EDAR: variants seen among roughly 807,000 people sequenced by gnomAD.
The protein encoded by EDAR is ectodysplasin A receptor, also known as tumor necrosis factor receptor superfamily member EDAR.
EDAR carries 38 observed loss-of-function variants against 51.3 expected under a neutral mutation model. The ratio of observed to expected loss-of-function variants is 0.74; its 90% confidence interval spans 0.57 to 0.97. The LOEUF is 0.97. Ranked by LOEUF, EDAR falls within the 50% of genes least tolerant of loss-of-function variation. The pLI, the probability that EDAR is intolerant of heterozygous loss-of-function variation, is 0.00. For synonymous variants in EDAR, 227 were observed against 242.1 expected (o/e 0.94, Z 0.58); for missense variants, 528 against 595.0 (o/e 0.89, Z 1.17).
chr2:108,905,384 C>T (rs752770979), intron 11 of EDAR, among the ~76,000 whole-genome samples: 2 of 152,300 alleles, frequency 1.3e-5, no homozygotes, highest in Middle Eastern at 3.4e-3. Flanking sequence ...CTGGGGCATG[C>T]GTTTATGGAG....
Position 108,910,772 on chromosome 2 carries a change from A to C in EDAR, c.730+4T>G. On this transcript the variant is annotated splice_donor_region_variant and intron_variant, in intron 8 of 11. Transcript: ENST00000258443. ...ATGGTGTGTGGAAGCCCTGGTTCACAGACCTGGGGCCTCTTTCTTCTCCTC... is the reference window on the plus strand; with the variant it reads ...ATGGTGTGTGGAAGCCCTGGTTCACCGACCTGGGGCCTCTTTCTTCTCCTC... The C allele has an allele frequency of 6.2e-7, 1 of 1,612,824 alleles. No homozygotes were observed.
At chr2:108,965,097 G>A (rs1015032289) in intron 1 of EDAR, among the ~76,000 whole-genome samples, 2 of 151,822 alleles carry the variant, frequency 1.3e-5, no homozygotes, top group African/African-American at 4.9e-5. Flanking sequence ...GTGTGTGCAC[G>A]CAAGCATGTG....
intron 11 of EDAR, among the ~76,000 whole-genome samples, chr2:108,905,702 A>C (rs967169203): frequency 1.3e-5 from 2 of 152,212 alleles, no homozygotes; most frequent in African/African-American, 4.8e-5. Context: ...GGTTAATAAG[A>C]AGGTAATTTA....
chr2:108,908,019 G>T lies in EDAR; in HGVS notation c.804C>A (p.Ser268Arg), dbSNP rs143674939. 6.2e-7 allele frequency: 1 copy of T among 1,607,098 alleles called. No individual in the cohort carries two copies. Among genetic ancestry groups the T allele is most frequent in the African/African-American group, 1.3e-5 (1 of 74,778 alleles). The change falls in exon 10 of 12, where the codon AGC becomes AGA. Residue 268 changes from serine (S) to arginine (R), a missense_variant and splice_region_variant. By Grantham distance (110) the Ser-to-Arg change is moderately radical. Coordinates refer to ENST00000258443, the MANE Select transcript of EDAR (RefSeq NM_022336.4). ...LTATPAKPTK[S>R]ENDASSENEQ... ...CATTCTCGGATGAGGCATCGTTCTCGCTGCAAAAACAAGAGCGATGGTCAT... is the reference window on the plus strand; with the variant it reads ...CATTCTCGGATGAGGCATCGTTCTCTCTGCAAAAACAAGAGCGATGGTCAT...
At chr2:108,905,262 A>G (rs963997240) in intron 11 of EDAR, among the ~76,000 whole-genome samples, 3 of 152,076 alleles carry the variant, frequency 2.0e-5, no homozygotes, top group Admixed American at 2.0e-4. Context: ...TGAACTCAAC[A>G]TTTTTTGGAA....
chr2:108,938,402 C>T (rs531939203), intron 1 of EDAR, among the ~76,000 whole-genome samples: 8 of 152,314 alleles, frequency 5.3e-5, no homozygotes, highest in Admixed American at 3.3e-4. Context: ...AGAACTGGGG[C>T]TGGCGTCCCA....
chr2:108,976,005 T>C (rs1445880285), intron 1 of EDAR, among the ~76,000 whole-genome samples: 1 of 152,206 alleles, frequency 6.6e-6, no homozygotes, highest in African/African-American at 2.4e-5. Context: ...CACACCAGTT[T>C]TCCTTTTAGG....
At chr2:108,931,169 A>G (rs1000268864) in intron 1 of EDAR, 137 bp from the exon 2 acceptor site, 38 of 758,850 alleles carry the variant, frequency 5.0e-5, no homozygotes, top group Admixed American at 2.0e-4. Context: ...AAAGAAAAGC[A>G]GACATGAAGC....
Position 108,921,923 on chromosome 2 carries a change from G to A in EDAR, c.442+1445C>T, listed in dbSNP as rs189512071. Reference sequence around the variant, plus strand: ...GGGCCGGATTCTAAGGCCCTACCCCGAGGCTTTCCTCGGAGCCGGCTTTCA... The same window carrying A: ...GGGCCGGATTCTAAGGCCCTACCCCAAGGCTTTCCTCGGAGCCGGCTTTCA... On this transcript the variant is annotated intron_variant, in intron 5 of 11. Transcript: ENST00000258443. 9.2e-5 allele frequency among the ~76,000 whole-genome samples: 14 copies of A among 152,328 alleles called. No homozygotes were observed. The East Asian group carries it at 2.1e-3, about 23-fold the overall frequency.
chr2:108,974,654 C>T (rs1418044541), intron 1 of EDAR, among the ~76,000 whole-genome samples: 3 of 152,000 alleles, frequency 2.0e-5, no homozygotes, highest in Non-Finnish European at 2.9e-5. Context: ...CGCTTGAACC[C>T]GGCAGGCGAA....
At chr2:108,933,511 C>T in intron 1 of EDAR, among the ~76,000 whole-genome samples, 1 of 152,136 alleles carries the variant, frequency 6.6e-6, no homozygotes, top group East Asian at 1.9e-4. Context: ...GCTGTTGGCC[C>T]AGTCACCTTG....
chr2:108,986,300 T>C (rs902864614), intron 1 of EDAR, among the ~76,000 whole-genome samples: 11 of 152,190 alleles, frequency 7.2e-5, no homozygotes, highest in African/African-American at 2.7e-4. Context: ...ACTGAGACTG[T>C]TTCCTCTTGA....
Position 108,929,306 on chromosome 2 carries a change from C to T in EDAR, c.248G>A (p.Gly83Asp), listed in dbSNP as rs975842063. 6.2e-7 allele frequency: 1 copy of T among 1,614,048 alleles called. No individual in the cohort carries two copies. The highest frequency in any genetic ancestry group is 1.3e-5 in the African/African-American group (1 of 74,922). ...PCPAEKFSKG[G>D]YQICRRHKDC... ...TTTGTGACGCCTGCATATCTGGTAG[C>T]CTCCTTTGGAAAACTTCTCCGCCGG... The change falls in exon 4 of 12, where the codon GGC becomes GAC. Residue 83 changes from glycine (G) to aspartate (D), a missense_variant. Physicochemically the swap from Gly to Asp is moderately conservative, Grantham distance 94 (BLOSUM62 -1). Coordinates refer to ENST00000258443, the MANE Select transcript of EDAR (RefSeq NM_022336.4).
At chr2:108,931,177 A>G in intron 1 of EDAR, 145 bp from the exon 2 acceptor site, 1 of 736,730 alleles carries the variant, frequency 1.4e-6, no homozygotes. Context: ...GCAGACATGA[A>G]GCTGAAGCTG....
At chr2:108,972,629 C>T (rs260696) in intron 1 of EDAR, among the ~76,000 whole-genome samples, 26,138 of 152,232 alleles carry the variant, frequency 0.17, 2,545 homozygotes, top group Middle Eastern at 0.24. Context: ...ACAAGGGTGA[C>T]GGGTGTCTTC....
chr2:108,906,380 A>G lies in EDAR; in HGVS notation c.964-12T>C, dbSNP rs748686429. ...CTCCGGCTTTGAATCTGTGAAAAAG[A>G]GTCGAGAATTTTCATCTCCAGAAAG... is the stretch of plus-strand genomic sequence containing the variant. On this transcript the variant is annotated splice_polypyrimidine_tract_variant and intron_variant, in intron 10 of 11. Transcript: ENST00000258443. The G allele has an allele frequency of 6.2e-7, 1 of 1,614,142 alleles. No individual in the cohort carries two copies. Among genetic ancestry groups the G allele is most frequent in the African/African-American group, 1.3e-5 (1 of 75,050 alleles).
chr2:108,915,908 T>A (rs956823370), intron 5 of EDAR, among the ~76,000 whole-genome samples: 58 of 150,750 alleles, frequency 3.8e-4, no homozygotes, highest in African/African-American at 1.0e-3. Flanking sequence ...AAAAAAAAAA[T>A]AAAAAATAAA....
intron 1 of EDAR, among the ~76,000 whole-genome samples, chr2:108,958,444 C>A (rs908005104): frequency 1.3e-5 from 2 of 152,026 alleles, no homozygotes; most frequent in Non-Finnish European, 2.9e-5. Flanking sequence ...CAAAAAAAAC[C>A]CCAGGGCAGT....
chr2:108,953,053 G>GAT lies in EDAR; in HGVS notation c.-18-22023_-18-22022dup, dbSNP rs567797423. 1.4e-4 allele frequency among the ~76,000 whole-genome samples: 21 copies of GAT among 152,242 alleles called. No individual in the cohort carries two copies. The South Asian group carries it at 4.1e-3, about 30-fold the overall frequency. ...ATTTATGTGGTACATGAGATATTTT[G>GAT]ATATAGGCATGCAATGCGTAATAAC... On this transcript the variant is annotated intron_variant, in intron 1 of 11. Coordinates refer to ENST00000258443, the MANE Select transcript of EDAR (RefSeq NM_022336.4).
Sources: gnomAD v4.1 joint callset for allele counts (sites outside exome capture counted in the v4.1 genomes callset) on GRCh38, gnomAD v4.1.1 for gene constraint, MANE v1.5 for transcripts, NCBI Gene and HGNC (gene_info 2026-07-23, HGNC 2026-07-21) for gene names.